The following ZNF492 variants were observed in gnomAD, a reference collection of about 807,000 sequenced individuals.
ZNF492 encodes zinc finger protein 492.
Under a neutral mutation model 6.4 loss-of-function variants are expected in ZNF492, and 3 were observed. That is an observed-to-expected ratio of 0.47 (90% CI 0.21 to 1.22). The LOEUF is 1.22. Ranked by LOEUF, ZNF492 falls within the 50% of genes most tolerant of loss-of-function variation. ZNF492 has a pLI of 0.22. For missense variants in ZNF492, 356 were observed against 612.5 expected (o/e 0.58, Z 4.42); for synonymous variants, 112 against 205.3 (o/e 0.55, Z 3.89).
Position 22,665,478 on chromosome 19 carries a change from CT to C in ZNF492, c.*215del. 1 of 984,670 alleles carries C rather than the reference CT, an allele frequency of 1.0e-6. No homozygotes were observed. The highest frequency in any genetic ancestry group is 1.4e-6 in the Non-Finnish European group (1 of 700,198). 61.0% of individuals were successfully genotyped at this position (984,670 alleles called of 1,614,324 possible). A position where few individuals can be genotyped will look rare whatever the true frequency, so the allele number is the denominator to read the frequency against. ...AAAAGTGATTAATATCTGTGCACAT[CT>C]TATTCAACATCAGAGTTTATATTAA... On this transcript the variant is annotated 3_prime_UTR_variant, in exon 4 of 4. Coordinates refer to ENST00000456783, the MANE Select transcript of ZNF492 (RefSeq NM_020855.3).
At chr19:22,637,896 C>A (rs1412869096) in intron 1 of ZNF492, among the ~76,000 whole-genome samples, 2 of 152,148 alleles carry the variant, frequency 1.3e-5, no homozygotes, top group Non-Finnish European at 2.9e-5. Flanking sequence ...TATGTTTTGA[C>A]TTTCTAATAC....
At chr19:22,659,667 GTT>G (rs758637692) in intron 3 of ZNF492, among the ~76,000 whole-genome samples, 8,220 of 101,728 alleles carry the variant, frequency 0.081, 859 homozygotes, top group African/African-American at 0.24. Flanking sequence ...TTTTTTTGTT[GTT>G]TTTTTTTTTT....
intron 3 of ZNF492, 96 bp downstream of exon 3, chr19:22,654,111 G>A: frequency 7.2e-7 from 1 of 1,381,604 alleles, no homozygotes; most frequent in South Asian, 1.7e-5. Flanking sequence ...TTTGAAATCT[G>A]TGTTCCAAAG....
intron 1 of ZNF492, among the ~76,000 whole-genome samples, chr19:22,652,470 T>C (rs1448276707): frequency 6.6e-6 from 1 of 151,818 alleles, no homozygotes; most frequent in African/African-American, 2.4e-5. Context: ...ACACACAGGC[T>C]TTTCCACTTA....
rs149513059 is a variant in ZNF492, at chr19:22,653,617, G to C, written c.34+184G>C. Among the ~76,000 whole-genome samples the C allele has an allele frequency of 4.5e-4, 69 of 152,004 alleles. 1 individual carries two copies. The highest frequency in any genetic ancestry group is 1.6e-3 in the African/African-American group (67 of 41,396). On this transcript the variant is annotated intron_variant, in intron 2 of 3. Coordinates refer to ENST00000456783, the MANE Select transcript of ZNF492 (RefSeq NM_020855.3). ...TTTGACCTGAACTTTCCACACTCCT[G>C]AGCTGATCTGTGTTCTTCACTCTAG...
chr19:22,650,981 T>C (rs556231063), intron 1 of ZNF492, among the ~76,000 whole-genome samples: 1 of 152,304 alleles, frequency 6.6e-6, no homozygotes, highest in East Asian at 1.9e-4. Flanking sequence ...AGATTTTAGC[T>C]GAGAGGCTGT....
intron 2 of ZNF492, among the ~76,000 whole-genome samples, 160 bp from the exon 3 acceptor site, chr19:22,653,759 CA>C (rs1971965732): frequency 6.6e-6 from 1 of 151,884 alleles, no homozygotes; most frequent in Non-Finnish European, 1.5e-5. Context: ...TAAGAACTTA[CA>C]AAATTAAAAT....
At chr19:22,652,007 G>A (rs1279678649) in intron 1 of ZNF492, among the ~76,000 whole-genome samples, 1 of 151,980 alleles carries the variant, frequency 6.6e-6, no homozygotes, top group Non-Finnish European at 1.5e-5. Context: ...TTTACTTTTG[G>A]CTGGGCAATA....
At chr19:22,654,670 C>G (rs1038589639) in intron 3 of ZNF492, among the ~76,000 whole-genome samples, 1 of 149,656 alleles carries the variant, frequency 6.7e-6, no homozygotes, top group Admixed American at 6.7e-5. Flanking sequence ...GTCATCATCT[C>G]GGCTAACTGC....
At position 22,658,163 on chromosome 19, in the gene ZNF492, G is replaced by A. The variant is rs1181330723; in HGVS notation, c.130+4148G>A. The stretch of plus-strand genomic sequence containing the variant: ...ATGGCCAGTCATGGTGGTGGTTCAC[G>A]TCTGTAATCCCCGGATTTTGGGAGG... On this transcript the variant is annotated intron_variant, in intron 3 of 3. Transcript: ENST00000456783. Among the ~76,000 whole-genome samples, 4 of 152,054 alleles carry A rather than the reference G, an allele frequency of 2.6e-5. No individual in the cohort carries two copies. In the East Asian group the frequency reaches 5.8e-4, roughly 22 times the overall value.
At chr19:22,662,250 A>C (rs1041157240) in intron 3 of ZNF492, among the ~76,000 whole-genome samples, 1 of 152,214 alleles carries the variant, frequency 6.6e-6, no homozygotes, top group African/African-American at 2.4e-5. Flanking sequence ...ATGTCCCTGC[A>C]AAGGACATGA....
intron 1 of ZNF492, among the ~76,000 whole-genome samples, chr19:22,652,520 T>A (rs964710101): frequency 4.6e-5 from 7 of 151,938 alleles, no homozygotes; most frequent in African/African-American, 1.7e-4. Context: ...ACCAAAAACA[T>A]GGGCATTACT....
intron 3 of ZNF492, among the ~76,000 whole-genome samples, chr19:22,658,542 C>A (rs2145258905): frequency 7.0e-6 from 1 of 142,102 alleles, no homozygotes; most frequent in East Asian, 2.0e-4. Flanking sequence ...AAATACCGTT[C>A]TGTTTTCTGT....
rs539756278 is a variant in ZNF492 at position 22,655,154 on chromosome 19, C to T, written c.130+1139C>T. ...CTAAAAATACAAAAAATTAGTCAGG[C>T]GTGGTGACAGGCGCCTGTAATTCCA... On this transcript the variant is annotated intron_variant, in intron 3 of 3. Transcript: ENST00000456783. 3.4e-3 allele frequency among the ~76,000 whole-genome samples: 518 copies of T among 151,684 alleles called. 1 individual carries two copies. Among genetic ancestry groups the T allele is most frequent in the Middle Eastern group, 0.01 (3 of 294 alleles).
At chr19:22,634,818 G>C (rs532947445) in intron 1 of ZNF492, among the ~76,000 whole-genome samples, 3 of 152,302 alleles carry the variant, frequency 2.0e-5, no homozygotes, top group African/African-American at 4.8e-5. Flanking sequence ...GCGGGTTCAC[G>C]AATGGGAAGA....
At position 22,665,134 on chromosome 19, in the gene ZNF492, T is replaced by A. The variant is rs769895542; in HGVS notation, c.1465T>A (p.Ser489Thr). ...CEECGKAFNN[S>T]SILNRHKMIH... ...AGAATGTGGCAAAGCCTTTAACAAC[T>A]CCTCTATTCTTAACAGACATAAGAT... is the stretch of plus-strand genomic sequence containing the variant. The change falls in exon 4 of 4, where the codon TCC (serine) becomes ACC (threonine). Residue 489 changes from serine (S) to threonine (T), a missense_variant. This residue lies in a region of ZNF492 where 81 missense variants were observed against 115.4 expected (regional missense o/e 0.70). Transcript: ENST00000456783. The A allele has an allele frequency of 2.0e-5, 32 of 1,610,612 alleles. No homozygotes were observed. The highest frequency in any genetic ancestry group is 1.4e-4 in the South Asian group (13 of 90,166).
At chr19:22,659,583 C>G (rs1427225381) in intron 3 of ZNF492, among the ~76,000 whole-genome samples, 1 of 150,266 alleles carries the variant, frequency 6.7e-6, no homozygotes, top group African/African-American at 2.5e-5. Context: ...CACACACACA[C>G]ACACACACAG....
intron 1 of ZNF492, among the ~76,000 whole-genome samples, chr19:22,644,812 C>T (rs375711825): frequency 6.6e-6 from 1 of 152,136 alleles, no homozygotes; most frequent in Non-Finnish European, 1.5e-5. Context: ...ACACTGTCTT[C>T]GACGATGGTT....
intron 3 of ZNF492, among the ~76,000 whole-genome samples, chr19:22,661,580 A>C (rs1319964548): frequency 6.6e-6 from 1 of 151,504 alleles, no homozygotes; most frequent in African/African-American, 2.4e-5. Flanking sequence ...TTTTAGTCAG[A>C]GGAGTTTATT....
Sources: allele counts gnomAD v4.1 joint callset (sites outside exome capture counted in the v4.1 genomes callset), GRCh38; gene constraint gnomAD v4.1.1; regional missense constraint gnomAD v4.1.1; transcripts MANE v1.5; gene names NCBI Gene and HGNC (gene_info 2026-07-23, HGNC 2026-07-21).